Variants in MYH3 observed in about 807,000 individuals in gnomAD.
MYH3 encodes the protein myosin heavy chain 3.
MYH3 carries 130 observed loss-of-function variants against 238.0 expected under a neutral mutation model. The ratio of observed to expected loss-of-function variants is 0.55; its 90% CI spans 0.47 to 0.63. MYH3 has a LOEUF of 0.63. Among genes scored for constraint, MYH3 ranks in the 30% least tolerant of loss-of-function variants. MYH3 has a pLI of 0.00. For synonymous variants in MYH3, 880 were observed against 924.1 expected (o/e 0.95, Z 0.86); for missense variants, 1,853 against 2,374.9 (o/e 0.78, Z 4.57).
rs149626226 is a variant in MYH3 at position 10,638,925 on chromosome 17, T to G, written c.3287A>C (p.Glu1096Ala). The G allele has an allele frequency of 6.2e-7, 1 of 1,614,214 alleles. No homozygotes were observed. Among genetic ancestry groups the G allele is most frequent in the Non-Finnish European group, 8.5e-7 (1 of 1,180,036 alleles). ...FEYCQLQSKV[E>A]DEQTLGLQFQ... ...CTGGAGGCCCAGTGTCTGCTCATCT[T>G]CCACTTTGCTTTGAAGTTGACAATA... The change falls in exon 26 of 41, where the codon GAA (glutamate) becomes GCA (alanine). Residue 1096 changes from glutamate to alanine, a missense_variant. Glu to Ala is a moderately radical substitution (Grantham distance 107, BLOSUM62 -1). Around this residue, in one of 3 missense-constraint regions of MYH3, gnomAD observed 1,044 missense variants for 1,192.6 expected, o/e 0.88. Transcript: ENST00000583535.
chr17:10,629,084 T>A (rs1466096855), intron 40 of MYH3, among the ~76,000 whole-genome samples: 1 of 152,130 alleles, frequency 6.6e-6, no homozygotes, highest in Non-Finnish European at 1.5e-5. Context: ...TAGGTATACA[T>A]GTGCCATGGT....
chr17:10,659,644 C>A (rs1876726), upstream of MYH3, among the ~76,000 whole-genome samples: 2 of 152,200 alleles, frequency 1.3e-5, no homozygotes, highest in Non-Finnish European at 2.9e-5. Context: ...CACGTTCCCC[C>A]AGATGAACTG....
the MYH3 span, among the ~76,000 whole-genome samples, chr17:10,662,355 T>C: frequency 6.6e-6 from 1 of 152,122 alleles, no homozygotes; most frequent in South Asian, 2.1e-4. Context: ...GTCAAGCATT[T>C]AGGTAAGTAC....
rs576168867 is a variant in MYH3, at chr17:10,631,605, C to G, written c.5286+6G>C. On this transcript the variant is annotated splice_donor_region_variant and intron_variant, in intron 36 of 40. Coordinates refer to ENST00000583535, the MANE Select transcript of MYH3 (RefSeq NM_002470.4). ...GCCCGAGGGCAGCAGGAAGGAGACG[C>G]CTTACGTCCGTGATGGCCTTCTTGG... 54 of 1,614,156 alleles carry G rather than the reference C, an allele frequency of 3.3e-5. 2 individuals are homozygous for G. In the South Asian group the frequency reaches 4.4e-4, roughly 13 times the overall value.
At chr17:10,660,426 A>G (rs2142441699), upstream of MYH3, among the ~76,000 whole-genome samples, 1 of 152,340 alleles carries the variant, frequency 6.6e-6, no homozygotes, top group Middle Eastern at 3.4e-3. Context: ...CTGTAATCCC[A>G]GCACTTTGGG....
intron 4 of MYH3, 158 bp from the exon 5 acceptor site, chr17:10,651,826 C>G (rs2074379093): frequency 5.9e-6 from 6 of 1,023,994 alleles, no homozygotes; most frequent in Non-Finnish European, 8.3e-6. Context: ...TCACTGCAAC[C>G]TCCACCTCCC....
chr17:10,676,575 A>G, the MYH3 span: 1 of 152,324 alleles, frequency 6.6e-6, no homozygotes, highest in African/African-American at 2.4e-5. Context: ...AATTTTCACA[A>G]TAAAAAGGAA....
chr17:10,631,326 AG>A (rs1385528602), intron 36 of MYH3, among the ~76,000 whole-genome samples: 1 of 152,220 alleles, frequency 6.6e-6, no homozygotes, highest in Non-Finnish European at 1.5e-5. Flanking sequence ...TTAACACCTC[AG>A]GTTCTTGTTT....
intron 1 of MYH3, among the ~76,000 whole-genome samples, chr17:10,656,402 C>T (rs528589755): frequency 2.2e-4 from 34 of 152,178 alleles, no homozygotes; most frequent in African/African-American, 5.8e-4. Context: ...CTGGGCGTGG[C>T]GGCAGATGCC....
intron 31 of MYH3, 68 bp from the exon 32 acceptor site, chr17:10,634,250 T>G: frequency 6.4e-7 from 1 of 1,573,530 alleles, no homozygotes; most frequent in South Asian, 1.1e-5. Context: ...AAATACTAAA[T>G]AACTAAATTA....
At chr17:10,668,357 T>A in the MYH3 span, among the ~76,000 whole-genome samples, 1 of 152,194 alleles carries the variant, frequency 6.6e-6, no homozygotes, top group Admixed American at 6.5e-5. Flanking sequence ...ATCACACCAC[T>A]GTACTCCAGC....
chr17:10,632,061 G>C (rs1356425566), intron 34 of MYH3, 45 bp from the exon 35 acceptor site: 1 of 1,594,680 alleles, frequency 6.3e-7, no homozygotes, highest in Admixed American at 1.7e-5. Context: ...TGAGGCGTTA[G>C]GACCACGAGC....
At position 10,632,701 on chromosome 17, in the gene MYH3, G is replaced by GGCA; in HGVS notation, c.4730_4731insTGC (p.Ala1578dup). 1 of 1,613,844 alleles carries GGCA rather than the reference G, an allele frequency of 6.2e-7. No homozygotes were observed. The highest frequency in any genetic ancestry group is 8.5e-7 in the Non-Finnish European group (1 of 1,179,976). On this transcript the variant is annotated inframe_insertion, in exon 34 of 41. Coordinates refer to ENST00000583535, the MANE Select transcript of MYH3 (RefSeq NM_002470.4). ...GCTCGATCTCTTCATCCTTCTCGGC[G>GGCA]ATCTTTCTATCAATTTCTGATTTCA... is the stretch of plus-strand genomic sequence containing the variant.
chr17:10,635,961 A>G, intron 28 of MYH3, 108 bp from the exon 29 acceptor site: 1 of 950,338 alleles, frequency 1.1e-6, no homozygotes, highest in South Asian at 1.3e-5. Flanking sequence ...AGAAAATGAT[A>G]AGATATGGTT....
chr17:10,659,184 C>CA (rs1412690925), upstream of MYH3: 1 of 152,234 alleles, frequency 6.6e-6, no homozygotes, highest in East Asian at 1.9e-4. Context: ...ACTCATCTAT[C>CA]TATATAACTA....
rs2074287223 is a variant in MYH3 at position 10,642,988 on chromosome 17, G to A, written c.1419C>T (p.Ser473=). Residue 473 remains serine (S), a synonymous_variant, in exon 15 of 41, where the codon AGC becomes AGT. Transcript: ENST00000583535. The surrounding 1 kb of genome is among the most constrained non-coding windows in gnomAD (Gnocchi z 5.4). ...TGAAGTTGATGCACAGCTGCTCCAG[G>A]CTGTTATACTAATAAAAAAATACAA... ...IAGFEIFEYN[S]LEQLCINFTN... The A allele has an allele frequency of 6.2e-7, 1 of 1,614,062 alleles. No homozygotes were observed. The highest frequency in any genetic ancestry group is 8.5e-7 in the Non-Finnish European group (1 of 1,180,038).
Position 10,650,328 on chromosome 17 carries a change from A to G in MYH3, c.533+46T>C, listed in dbSNP as rs759447358. ...AAACACTTTCTAATGAACAGAATAG[A>G]GCCAGTGGCACAGCTATGAAACCAC... On this transcript the variant is annotated intron_variant, in intron 6 of 40. Transcript: ENST00000583535. The G allele has an allele frequency of 4.5e-6, 7 of 1,570,712 alleles. 1 individual carries two copies. The highest frequency in any genetic ancestry group is 4.4e-5 in the South Asian group (4 of 90,128).
chr17:10,675,575 G>A, the MYH3 span: 1 of 152,070 alleles, frequency 6.6e-6, no homozygotes, highest in Non-Finnish European at 1.5e-5. Flanking sequence ...ACATTTCAAT[G>A]GCTCTGGAAG....
intron 8 of MYH3, 142 bp from the exon 9 acceptor site, chr17:10,647,568 C>T (rs543743928): frequency 2.8e-5 from 25 of 895,792 alleles, no homozygotes; most frequent in African/African-American, 1.7e-4. Context: ...GTTTTTGAGA[C>T]GGAGTCTCGC....
Sources: allele counts gnomAD v4.1 joint callset (sites outside exome capture counted in the v4.1 genomes callset), GRCh38; gene constraint gnomAD v4.1.1; regional missense constraint gnomAD v4.1.1; non-coding constraint Gnocchi (gnomAD v3.1); transcripts MANE v1.5; gene names NCBI Gene and HGNC (gene_info 2026-07-23, HGNC 2026-07-21).